The following CHST11 variants were observed in gnomAD, a reference collection of about 807,000 sequenced individuals.
CHST11 encodes carbohydrate sulfotransferase 11.
A neutral mutation model predicts 30.4 loss-of-function variants in CHST11; 9 were observed. That is an observed-to-expected ratio of 0.30 (90% CI 0.18 to 0.52). CHST11 has a LOEUF of 0.52. Among genes scored for constraint, CHST11 ranks in the 20% least tolerant of loss-of-function variants. CHST11 has a pLI of 0.97. For missense variants in CHST11, 348 were observed against 460.6 expected, an observed-to-expected ratio of 0.76 and a Z score of 2.24; for synonymous variants, 152 against 187.8, an observed-to-expected ratio of 0.81 and a Z score of 1.56.
At chr12:104,560,313 T>C (rs2038500895) in intron 1 of CHST11, among the ~76,000 whole-genome samples, 1 of 152,242 alleles carries the variant, frequency 6.6e-6, no homozygotes, top group African/African-American at 2.4e-5. Flanking sequence ...TTCAACCCTG[T>C]TTGCAGTTTA....
At chr12:104,511,433 C>G (rs1039337304) in intron 1 of CHST11, among the ~76,000 whole-genome samples, 1 of 152,164 alleles carries the variant, frequency 6.6e-6, no homozygotes, top group African/African-American at 2.4e-5. Flanking sequence ...TCCAGTCTTG[C>G]TGGCTTTCTT....
chr12:104,731,128 T>A (rs2040253797), intron 2 of CHST11, among the ~76,000 whole-genome samples: 1 of 152,214 alleles, frequency 6.6e-6, no homozygotes, highest in Non-Finnish European at 1.5e-5. Context: ...GGCTGTCTCC[T>A]GCATCCTTCC....
At position 104,600,308 on chromosome 12, in the gene CHST11, G is replaced by A. The variant is rs373742379; in HGVS notation, c.119-1598G>A. ...TTGACTTCTAAGCAGAGGTCCCTGG[G>A]CTAACCCCCTGCAGCCAGCCCTCCC... On this transcript the variant is annotated intron_variant, in intron 1 of 2. Coordinates refer to ENST00000303694, the MANE Select transcript of CHST11 (RefSeq NM_018413.6). This position sits in a 1 kb window ranked among gnomAD's most constrained non-coding sequence, Gnocchi z 4.1. 3.9e-5 allele frequency among the ~76,000 whole-genome samples: 6 copies of A among 152,068 alleles called. No homozygotes were observed. Among genetic ancestry groups the A allele is most frequent in the African/African-American group, 1.5e-4 (6 of 41,378 alleles).
chr12:104,757,814 G>A lies in CHST11; in HGVS notation c.*11G>A. 1 of 1,599,890 alleles carries A rather than the reference G, an allele frequency of 6.3e-7. No individual in the cohort carries two copies. Among genetic ancestry groups the A allele is most frequent in the Non-Finnish European group, 8.5e-7 (1 of 1,170,746 alleles). On this transcript the variant is annotated 3_prime_UTR_variant, in exon 3 of 3. Transcript: ENST00000303694. This position sits in a 1 kb window ranked among gnomAD's most constrained non-coding sequence, Gnocchi z 6.5. ...CTGAAATTGGAATAAAGGGGGTGGG[G>A]AGAGGGAGAGAATCATGCTTTTTAA...
At chr12:104,482,298 T>A (rs2037632290) in intron 1 of CHST11, among the ~76,000 whole-genome samples, 1 of 151,992 alleles carries the variant, frequency 6.6e-6, no homozygotes, top group Non-Finnish European at 1.5e-5. Context: ...TGGAGGCTGC[T>A]CTGCCACCTG....
chr12:104,463,813 G>A (rs2037432094), intron 1 of CHST11, among the ~76,000 whole-genome samples: 1 of 152,190 alleles, frequency 6.6e-6, no homozygotes, highest in South Asian at 2.1e-4. Context: ...AGCAACACAA[G>A]TCAAATCTGG....
chr12:104,497,848 A>G (rs1005744907), intron 1 of CHST11, among the ~76,000 whole-genome samples: 4 of 147,448 alleles, frequency 2.7e-5, no homozygotes, highest in African/African-American at 7.5e-5. Context: ...ACAGGTGCAT[A>G]TGGGGCAAGT....
Position 104,689,372 on chromosome 12 carries a change from C to T in CHST11, c.205-67577C>T, listed in dbSNP as rs2039877331. On this transcript the variant is annotated intron_variant, in intron 2 of 2. Coordinates refer to ENST00000303694, the MANE Select transcript of CHST11 (RefSeq NM_018413.6). ...GATAGGCCCAATGGCTGTTCTATCC[C>T]ATAGCAGGCAGACGCCTGAGACCCT... is the stretch of plus-strand genomic sequence containing the variant. 1.3e-5 allele frequency among the ~76,000 whole-genome samples: 2 copies of T among 152,222 alleles called. 1 individual carries two copies. Among genetic ancestry groups the T allele is most frequent in the South Asian group, 4.1e-4 (2 of 4,832 alleles).
At chr12:104,526,530 CT>C (rs1488251965) in intron 1 of CHST11, among the ~76,000 whole-genome samples, 1 of 152,130 alleles carries the variant, frequency 6.6e-6, no homozygotes, top group East Asian at 1.9e-4. Flanking sequence ...AGGTTTGCCC[CT>C]GTGAGGTGTT....
intron 1 of CHST11, among the ~76,000 whole-genome samples, chr12:104,462,359 A>G (rs1239538400): frequency 6.6e-6 from 1 of 151,710 alleles, no homozygotes; most frequent in Admixed American, 6.6e-5. Context: ...TTGAGATAAC[A>G]TCATGCATTT....
At chr12:104,603,388 A>T (rs759680298) in intron 2 of CHST11, among the ~76,000 whole-genome samples, 3 of 152,196 alleles carry the variant, frequency 2.0e-5, no homozygotes, top group Admixed American at 6.5e-5. Flanking sequence ...TATGGGTAAC[A>T]TATGGTGTCA....
intron 2 of CHST11, among the ~76,000 whole-genome samples, chr12:104,744,630 T>C (rs997116984): frequency 2.0e-5 from 3 of 152,202 alleles, no homozygotes; most frequent in African/African-American, 7.2e-5. Context: ...TGTCAGTTTT[T>C]GCTTTTGTTG....
chr12:104,471,233 C>T (rs2037506182), intron 1 of CHST11, among the ~76,000 whole-genome samples: 1 of 152,170 alleles, frequency 6.6e-6, no homozygotes. Flanking sequence ...GGGAAGGGGC[C>T]ATGTCTTGTT....
chr12:104,600,876 T>A lies in CHST11; in HGVS notation c.119-1030T>A, dbSNP rs1415445703. On this transcript the variant is annotated intron_variant, in intron 1 of 2. Coordinates refer to ENST00000303694, the MANE Select transcript of CHST11 (RefSeq NM_018413.6). This position sits in a 1 kb window ranked among gnomAD's most constrained non-coding sequence, Gnocchi z 4.1. ...TTTCCCTCTCTCCTTCTTTCCTTTC[T>A]TCCTTCCCTCCCTTCTTCCCTCCTT... Among the ~76,000 whole-genome samples the A allele has an allele frequency of 6.6e-6, 1 of 151,502 alleles. No homozygotes were observed. Among genetic ancestry groups the A allele is most frequent in the Non-Finnish European group, 1.5e-5 (1 of 67,854 alleles).
At chr12:104,622,837 A>G (rs2039173297) in intron 2 of CHST11, among the ~76,000 whole-genome samples, 1 of 152,222 alleles carries the variant, frequency 6.6e-6, no homozygotes, top group African/African-American at 2.4e-5. Flanking sequence ...AAAAGTGTGT[A>G]ATTGCGTATT....
At chr12:104,566,127 C>A (rs1286784307) in intron 1 of CHST11, among the ~76,000 whole-genome samples, 1 of 152,220 alleles carries the variant, frequency 6.6e-6, no homozygotes, top group Non-Finnish European at 1.5e-5. Flanking sequence ...GGAAGCCATT[C>A]TCTGGCCGTG....
chr12:104,532,327 C>A (rs1173159135), intron 1 of CHST11, among the ~76,000 whole-genome samples: 1 of 151,938 alleles, frequency 6.6e-6, no homozygotes, highest in Non-Finnish European at 1.5e-5. Context: ...CCCACCCCCA[C>A]CCCGTTATAA....
chr12:104,530,610 A>T (rs1247145502), intron 1 of CHST11, among the ~76,000 whole-genome samples: 1 of 152,232 alleles, frequency 6.6e-6, no homozygotes, highest in Non-Finnish European at 1.5e-5. Flanking sequence ...AAGGAAGAAA[A>T]AAGTCTAGCT....
intron 1 of CHST11, among the ~76,000 whole-genome samples, chr12:104,466,127 T>C (rs1457164256): frequency 6.6e-6 from 1 of 152,114 alleles, no homozygotes; most frequent in Non-Finnish European, 1.5e-5. Context: ...CCCAAAATGC[T>C]AGGATTACAG....
Sources: allele counts gnomAD v4.1 joint callset (sites outside exome capture counted in the v4.1 genomes callset), GRCh38; gene constraint gnomAD v4.1.1; non-coding constraint Gnocchi (gnomAD v3.1); transcripts MANE v1.5; gene names NCBI Gene and HGNC (gene_info 2026-07-23, HGNC 2026-07-21).